The following COBLL1 variants were observed in gnomAD, a reference collection of about 807,000 sequenced individuals.
COBLL1 encodes the protein cordon-bleu WH2 repeat protein like 1, also known as cordon-bleu protein-like 1.
Under a neutral mutation model 94.8 loss-of-function variants are expected in COBLL1, and 50 were observed. The ratio of observed to expected loss-of-function variants is 0.53; its 90% CI spans 0.42 to 0.67. The LOEUF (loss-of-function observed/expected upper bound fraction) is 0.67, where lower values mean the gene tolerates loss of function less well. Ranked by LOEUF, COBLL1 falls within the 30% of genes least tolerant of loss-of-function variation. COBLL1 has a pLI of 0.00. For missense variants in COBLL1, 1,362 were observed against 1,348.7 expected (o/e 1.01, Z -0.15); for synonymous variants, 448 against 473.8 (o/e 0.95, Z 0.71).
chr2:164,818,725 ATG>A (rs1685004573), intron 2 of COBLL1, among the ~76,000 whole-genome samples: 1 of 146,862 alleles, frequency 6.8e-6, no homozygotes, highest in Non-Finnish European at 1.5e-5. Flanking sequence ...GTATATATAT[ATG>A]TACTTATGTA....
intron 2 of COBLL1, among the ~76,000 whole-genome samples, chr2:164,806,083 G>C (rs367579286): frequency 6.6e-6 from 1 of 151,900 alleles, no homozygotes; most frequent in East Asian, 1.9e-4. Context: ...GGTTTTAAAT[G>C]AAAGGTTTCC....
At chr2:164,668,537 A>G (rs978958929) in intron 1 of COBLL1, among the ~76,000 whole-genome samples, 1 of 152,330 alleles carries the variant, frequency 6.6e-6, no homozygotes, top group Admixed American at 6.5e-5. Flanking sequence ...AGTGTGACAC[A>G]AGGACATGAA....
chr2:164,695,376 G>A lies in COBLL1; in HGVS notation c.2016C>T (p.Thr672=), dbSNP rs138701146. 1.4e-5 allele frequency: 22 copies of A among 1,613,756 alleles called. No individual in the cohort carries two copies. The highest frequency in any genetic ancestry group is 2.7e-5 in the African/African-American group (2 of 74,874). The change falls in exon 12 of 14, where the codon ACC becomes ACT. Residue 672 remains threonine (T), a synonymous_variant. Coordinates refer to ENST00000652658, the MANE Select transcript of COBLL1 (RefSeq NM_001365672.2). ...CATGTGCACAAATTGGATCTTTTAC[G>A]GTAAGCGGATCTTCTGAATGTATAA... The part of the protein sequence containing the change: ...TLIIHSEDPL[T]VKDPICAHGN...
At chr2:164,825,812 A>T (rs1421674602) in intron 2 of COBLL1, among the ~76,000 whole-genome samples, 1 of 152,174 alleles carries the variant, frequency 6.6e-6, no homozygotes. Flanking sequence ...TCATCCTGAG[A>T]GATGGAGGAG....
At chr2:164,715,441 C>A (rs1179526996) in intron 7 of COBLL1, among the ~76,000 whole-genome samples, 5 of 151,778 alleles carry the variant, frequency 3.3e-5, no homozygotes, top group Non-Finnish European at 5.9e-5. Context: ...GTGTAAAAAT[C>A]TAAAAAGGGG....
At chr2:164,803,706 T>C (rs1010570618) in intron 2 of COBLL1, among the ~76,000 whole-genome samples, 3 of 152,174 alleles carry the variant, frequency 2.0e-5, no homozygotes, top group Non-Finnish European at 4.4e-5. Flanking sequence ...GTACAAAATA[T>C]CACCTTCCTT....
chr2:164,710,651 G>A (rs1191123079), intron 7 of COBLL1, among the ~76,000 whole-genome samples: 3 of 149,498 alleles, frequency 2.0e-5, no homozygotes, highest in Admixed American at 6.7e-5. Flanking sequence ...TGCAACCTCC[G>A]CCTCCCGGGT....
intron 13 of COBLL1, chr2:164,687,662 T>G: frequency 1.2e-6 from 1 of 815,856 alleles, no homozygotes; most frequent in Non-Finnish European, 2.1e-6. Flanking sequence ...CAAGGTCCCT[T>G]AGAGCAACCT....
At chr2:164,782,614 T>C (rs1395992664) in intron 2 of COBLL1, among the ~76,000 whole-genome samples, 1 of 152,158 alleles carries the variant, frequency 6.6e-6, no homozygotes, top group Non-Finnish European at 1.5e-5. Flanking sequence ...TGCACAACAC[T>C]GTACATGTAC....
intron 2 of COBLL1, among the ~76,000 whole-genome samples, chr2:164,817,760 G>C (rs1191798172): frequency 6.6e-6 from 1 of 152,036 alleles, no homozygotes; most frequent in Non-Finnish European, 1.5e-5. Context: ...TCTAGGAAGG[G>C]AAGCCACCTG....
At chr2:164,746,004 A>G (rs1024170169) in intron 2 of COBLL1, among the ~76,000 whole-genome samples, 1 of 152,184 alleles carries the variant, frequency 6.6e-6, no homozygotes, top group Non-Finnish European at 1.5e-5. Context: ...GTACAATGAA[A>G]GAAAAAGTAA....
intron 7 of COBLL1, among the ~76,000 whole-genome samples, chr2:164,712,943 A>G (rs1448661446): frequency 1.3e-5 from 2 of 152,130 alleles, no homozygotes; most frequent in Non-Finnish European, 2.9e-5. Context: ...ATGCACATAG[A>G]TACACACACA....
chr2:164,683,041 A>ACACAC lies in COBLL1; in HGVS notation c.*2904_*2905insGTGTG. 7.5e-6 allele frequency: 1 copy of ACACAC among 132,676 alleles called. No homozygotes were observed. Among genetic ancestry groups the ACACAC allele is most frequent in the African/African-American group, 3.0e-5 (1 of 33,542 alleles). The allele number at this position is 132,676 out of a possible 1,614,324, so 8.2% of individuals were successfully genotyped here. On this transcript the variant is annotated 3_prime_UTR_variant, in exon 14 of 14. Coordinates refer to ENST00000652658, the MANE Select transcript of COBLL1 (RefSeq NM_001365672.2). ...ACACACACACACACACACACACACA[A>ACACAC]AAGCCCCCAACAAACCTGCACACAT...
chr2:164,697,330 A>T (rs1684008442), intron 11 of COBLL1: 1 of 152,118 alleles, frequency 6.6e-6, no homozygotes, highest in Non-Finnish European at 1.5e-5. Context: ...TCAATGACCA[A>T]TTATTATTAA....
intron 2 of COBLL1, among the ~76,000 whole-genome samples, chr2:164,799,179 T>C (rs1013583666): frequency 6.6e-6 from 1 of 152,128 alleles, no homozygotes; most frequent in African/African-American, 2.4e-5. Flanking sequence ...CCCTCCAGTA[T>C]ACCCCAGCTT....
downstream of COBLL1, among the ~76,000 whole-genome samples, chr2:164,679,926 AAAATAT>A (rs1230666433): frequency 2.6e-5 from 4 of 151,270 alleles, no homozygotes; most frequent in South Asian, 6.2e-4. Context: ...CCCAGAACTT[AAAATAT>A]AAATATAAAT....
intron 7 of COBLL1, among the ~76,000 whole-genome samples, chr2:164,707,169 A>T (rs540835252): frequency 6.6e-6 from 1 of 151,776 alleles, no homozygotes; most frequent in South Asian, 2.1e-4. Context: ...TTTGAAACAG[A>T]GTCTCACTCT....
At chr2:164,790,319 A>C (rs1683123787) in intron 2 of COBLL1, among the ~76,000 whole-genome samples, 1 of 152,050 alleles carries the variant, frequency 6.6e-6, no homozygotes, top group African/African-American at 2.4e-5. Flanking sequence ...CCTGCCTTGC[A>C]CCCTGAGCTG....
chr2:164,817,141 T>C (rs1396288663), intron 2 of COBLL1, among the ~76,000 whole-genome samples: 2 of 152,098 alleles, frequency 1.3e-5, no homozygotes, highest in Non-Finnish European at 2.9e-5. Flanking sequence ...TGAGCAAGTG[T>C]TGCAGGTAGC....
Sources: gnomAD v4.1 joint callset for allele counts (sites outside exome capture counted in the v4.1 genomes callset) on GRCh38, gnomAD v4.1.1 for gene constraint, MANE v1.5 for transcripts, NCBI Gene and HGNC (gene_info 2026-07-23, HGNC 2026-07-21) for gene names.